The following GDAP1 variants were observed in gnomAD, a reference collection of about 807,000 sequenced individuals.
GDAP1 encodes the protein ganglioside induced differentiation associated protein 1.
A neutral mutation model predicts 40.1 loss-of-function variants in GDAP1; 34 were observed. The ratio of observed to expected loss-of-function variants is 0.85; its 90% CI spans 0.64 to 1.13. The LOEUF (loss-of-function observed/expected upper bound fraction) is 1.13, where lower values mean the gene tolerates loss of function less well. Ranked by LOEUF, GDAP1 falls within the 50% of genes most tolerant of loss-of-function variation. GDAP1 has a pLI of 0.00. For synonymous variants in GDAP1, 170 were observed against 157.4 expected (o/e 1.08, Z -0.60); for missense variants, 374 against 433.7 (o/e 0.86, Z 1.22).
intron 2 of GDAP1, among the ~76,000 whole-genome samples, chr8:74,448,493 A>G (rs578113442): frequency 2.6e-5 from 4 of 152,116 alleles, no homozygotes; most frequent in Non-Finnish European, 5.9e-5. Context: ...TGATATTTAC[A>G]ATGAAACTAA....
At chr8:74,374,858 C>T (rs1463763002) in intron 2 of GDAP1, among the ~76,000 whole-genome samples, 1 of 152,070 alleles carries the variant, frequency 6.6e-6, no homozygotes, top group Non-Finnish European at 1.5e-5. Flanking sequence ...TAAAAAATAA[C>T]CATTCTACAA....
At chr8:74,400,914 A>T (rs10091634) in intron 2 of GDAP1, among the ~76,000 whole-genome samples, 3 of 149,086 alleles carry the variant, frequency 2.0e-5, no homozygotes, top group Non-Finnish European at 2.9e-5. Flanking sequence ...GTTTCTGCCG[A>T]GAGATCCGCT....
rs1420097365 is a variant in GDAP1, at chr8:74,366,645, CT to C, written c.*2283del. ...GCCTGAGGTACTAAAGTTATGTTGG[CT>C]TTTTGTGTCTTAACACACATAAATA... On this transcript the variant is annotated 3_prime_UTR_variant, in exon 6 of 6. Coordinates refer to ENST00000220822, the MANE Select transcript of GDAP1 (RefSeq NM_018972.4). 2.2e-6 allele frequency: 1 copy of C among 453,624 alleles called. No homozygotes were observed. The highest frequency in any genetic ancestry group is 4.4e-6 in the Non-Finnish European group (1 of 226,646). 28.1% of individuals were successfully genotyped at this position (453,624 alleles called of 1,614,324 possible). A position where few individuals can be genotyped will look rare whatever the true frequency, so the allele number is the denominator to read the frequency against.
At chr8:74,372,827 A>G (rs374469948) in intron 2 of GDAP1, among the ~76,000 whole-genome samples, 1,933 of 152,304 alleles carry the variant, frequency 0.013, 19 homozygotes, top group Non-Finnish European at 0.018. Flanking sequence ...TGTTTTAGAC[A>G]TGAAGTCCTT....
intron 2 of GDAP1, among the ~76,000 whole-genome samples, chr8:74,472,591 C>T (rs1444436848): frequency 6.6e-6 from 1 of 152,104 alleles, no homozygotes; most frequent in Non-Finnish European, 1.5e-5. Flanking sequence ...GCAACCTCAC[C>T]AGCATCTGTT....
At chr8:74,424,280 TC>T (rs1805920498) in intron 2 of GDAP1, among the ~76,000 whole-genome samples, 1 of 152,120 alleles carries the variant, frequency 6.6e-6, no homozygotes, top group African/African-American at 2.4e-5. Flanking sequence ...ACACAGTTTT[TC>T]CCCAAATATT....
chr8:74,432,992 G>A (rs1415428796), intron 2 of GDAP1, among the ~76,000 whole-genome samples: 1 of 152,082 alleles, frequency 6.6e-6, no homozygotes, highest in Non-Finnish European at 1.5e-5. Context: ...TTGTCCCCTA[G>A]TCCAATAGGC....
chr8:74,364,076 G>C lies in GDAP1; in HGVS notation c.786G>C (p.Gly262=). ...CATTGCATCGACTGAAGTTCCTGGG[G>C]TTTGCAAGGAGAAACTGGGGAAACG... ...AVTLHRLKFL[G]FARRNWGNGK... is the part of the protein sequence containing the mutation. Residue 262 remains glycine, a synonymous_variant, in exon 6 of 6, where the codon GGG becomes GGC. Coordinates refer to ENST00000220822, the MANE Select transcript of GDAP1 (RefSeq NM_018972.4). The C allele has an allele frequency of 6.2e-7, 1 of 1,614,136 alleles. No individual in the cohort carries two copies.
intron 2 of GDAP1, among the ~76,000 whole-genome samples, chr8:74,387,779 T>G (rs1810046898): frequency 6.6e-6 from 1 of 152,174 alleles, no homozygotes; most frequent in African/African-American, 2.4e-5. Context: ...TTTTTACCCC[T>G]GGTAGAATTC....
intron 2 of GDAP1, among the ~76,000 whole-genome samples, chr8:74,469,649 A>G (rs907708130): frequency 6.7e-6 from 1 of 148,306 alleles, no homozygotes; most frequent in Admixed American, 6.8e-5. Context: ...AGCCTGGGCT[A>G]CAGAGTGAGA....
At chr8:74,394,509 C>G (rs1192241567) in intron 2 of GDAP1, among the ~76,000 whole-genome samples, 2 of 152,186 alleles carry the variant, frequency 1.3e-5, no homozygotes, top group African/African-American at 4.8e-5. Context: ...ATTCACATCT[C>G]TGTGCTTTTC....
Position 74,401,181 on chromosome 8 carries a change from C to T in GDAP1, c.165+49860C>T, listed in dbSNP as rs945590250. The stretch of plus-strand genomic sequence containing the variant: ...TTGGTTCCATTCTCCCCGTCACTTT[C>T]GGGTACACCAATCAGACGTAGATTT... On this transcript the variant is annotated intron_variant, in intron 2 of 2. Coordinates refer to the GDAP1 transcript ENST00000523640. 9.4e-5 allele frequency among the ~76,000 whole-genome samples: 14 copies of T among 149,308 alleles called. 3 individuals carry two copies. The highest frequency in any genetic ancestry group is 2.8e-4 in the African/African-American group (11 of 38,686).
chr8:74,471,604 A>G (rs1302228439), intron 2 of GDAP1, among the ~76,000 whole-genome samples: 1 of 152,164 alleles, frequency 6.6e-6, no homozygotes, highest in Non-Finnish European at 1.5e-5. Context: ...ATGTATCTAC[A>G]TATACTGGTG....
At chr8:74,407,161 G>A (rs939740184) in intron 2 of GDAP1, among the ~76,000 whole-genome samples, 2 of 149,888 alleles carry the variant, frequency 1.3e-5, no homozygotes, top group Non-Finnish European at 1.5e-5. Flanking sequence ...TCTGGGTGCG[G>A]TGGCTCACCT....
At chr8:74,472,235 A>T (rs1163064172) in intron 2 of GDAP1, among the ~76,000 whole-genome samples, 2 of 152,152 alleles carry the variant, frequency 1.3e-5, no homozygotes, top group Non-Finnish European at 2.9e-5. Context: ...ATGGCTTCCA[A>T]CTACCTCTAT....
In GDAP1 at chr8:74,450,645, A is replaced by C. The variant is rs1181329748; in HGVS notation, c.166-38033A>C. On this transcript the variant is annotated intron_variant, in intron 2 of 2. Transcript: ENST00000523640. ...AGCATTTGCCTGGAATATTCTTTCC[A>C]TCTTTTTATGTTTTACTTATGTGAT... Among the ~76,000 whole-genome samples the C allele has an allele frequency of 3.5e-4, 7 of 19,888 alleles. 1 individual carries two copies. In the East Asian group the frequency reaches 9.6e-3, roughly 27 times the overall value. The allele number at this position is 19,888 out of a possible 152,430, so 13.0% of individuals were successfully genotyped here. A position where few individuals can be genotyped will look rare whatever the true frequency, so the allele number is the denominator to read the frequency against.
intron 2 of GDAP1, among the ~76,000 whole-genome samples, chr8:74,474,379 A>G (rs995506896): frequency 5.9e-5 from 9 of 152,094 alleles, no homozygotes; most frequent in African/African-American, 2.2e-4. Context: ...CTGATTTTTC[A>G]GGGGAATGCT....
intron 2 of GDAP1, among the ~76,000 whole-genome samples, chr8:74,385,352 C>T (rs1324031188): frequency 1.3e-5 from 2 of 152,024 alleles, no homozygotes; most frequent in Admixed American, 6.6e-5. Context: ...CAACAGGCCC[C>T]GGTGTGTGAT....
chr8:74,373,615 C>G (rs1218009432), intron 2 of GDAP1, among the ~76,000 whole-genome samples: 1 of 152,210 alleles, frequency 6.6e-6, no homozygotes, highest in Admixed American at 6.5e-5. Flanking sequence ...TTTATATCCT[C>G]AGACTTTACT....
Sources: gnomAD v4.1 joint callset for allele counts (sites outside exome capture counted in the v4.1 genomes callset) on GRCh38, gnomAD v4.1.1 for gene constraint, MANE v1.5 for transcripts, NCBI Gene and HGNC (gene_info 2026-07-23, HGNC 2026-07-21) for gene names.